The following COBL variants were observed in gnomAD, a reference collection of about 807,000 sequenced individuals.
COBL encodes cordon-bleu WH2 repeat protein, also known as protein cordon-bleu.
Under a neutral mutation model 98.8 loss-of-function variants are expected in COBL, and 51 were observed. The observed-to-expected ratio is 0.52, with a 90% CI of 0.41 to 0.65. The LOEUF is 0.65. Ranked by LOEUF, COBL falls within the 30% of genes least tolerant of loss-of-function variation. The pLI, the probability that COBL is intolerant of heterozygous loss-of-function variation, is 0.00. For synonymous variants in COBL, 634 were observed against 651.7 expected, an observed-to-expected ratio of 0.97 and a Z score of 0.41; for missense variants, 1,617 against 1,617.5, an observed-to-expected ratio of 1.00 and a Z score of 0.01.
chr7:51,202,443 TA>T (rs1240776446), intron 2 of COBL, among the ~76,000 whole-genome samples: 2 of 152,220 alleles, frequency 1.3e-5, no homozygotes, highest in African/African-American at 4.8e-5. Flanking sequence ...AATTTATAAT[TA>T]AATTTTATTA....
At chr7:51,257,619 C>T (rs1171901048) in intron 1 of COBL, among the ~76,000 whole-genome samples, 1 of 152,032 alleles carries the variant, frequency 6.6e-6, no homozygotes, top group Non-Finnish European at 1.5e-5. Context: ...GTTACTTATT[C>T]TGGGATTATG....
Position 51,016,346 on chromosome 7 carries a change from T to G in COBL, c.*1205A>C, listed in dbSNP as rs1272481965. On this transcript the variant is annotated 3_prime_UTR_variant, in exon 13 of 13. Coordinates refer to ENST00000265136, the MANE Select transcript of COBL (RefSeq NM_015198.5). ...AATGCAGAACAGCTTCCATTCTACC[T>G]GAGGCCTAGATCTGAGATCGCTGTG... The G allele has an allele frequency of 6.6e-6, 1 of 152,252 alleles. No individual in the cohort carries two copies. The highest frequency in any genetic ancestry group is 2.1e-4 in the South Asian group (1 of 4,832). The allele number at this position is 152,252 out of a possible 1,614,324, so 9.4% of individuals were successfully genotyped here.
chr7:51,137,888 T>C (rs1010665142), intron 5 of COBL, among the ~76,000 whole-genome samples: 1 of 152,172 alleles, frequency 6.6e-6, no homozygotes, highest in African/African-American at 2.4e-5. Flanking sequence ...TTTGAACAAC[T>C]AGTTCTCCAT....
chr7:51,170,314 T>C (rs547532090), intron 5 of COBL, among the ~76,000 whole-genome samples: 2 of 152,152 alleles, frequency 1.3e-5, no homozygotes, highest in African/African-American at 4.8e-5. Context: ...TAGCTCTACA[T>C]GTTCTATTCT....
chr7:51,130,912 G>A (rs1183542987), intron 6 of COBL, among the ~76,000 whole-genome samples: 1 of 152,180 alleles, frequency 6.6e-6, no homozygotes, highest in African/African-American at 2.4e-5. Context: ...ATCTTTTTAT[G>A]TATACACTGT....
At chr7:51,134,761 T>C (rs760037196) in intron 6 of COBL, among the ~76,000 whole-genome samples, 3 of 152,246 alleles carry the variant, frequency 2.0e-5, no homozygotes, top group Non-Finnish European at 2.9e-5. Context: ...AGAATCTACA[T>C]CCAAGCAAAT....
intron 12 of COBL, chr7:51,022,455 G>C (rs560380989): frequency 6.6e-6 from 1 of 152,336 alleles, no homozygotes; most frequent in East Asian, 1.9e-4. Flanking sequence ...GGCCTCGCAC[G>C]GCACCAACGC....
intron 8 of COBL, chr7:51,033,442 T>C (rs1788344350): frequency 6.6e-6 from 1 of 152,256 alleles, no homozygotes; most frequent in Non-Finnish European, 1.5e-5. Context: ...AATCAGTAAA[T>C]ATGATGATCA....
intron 5 of COBL, among the ~76,000 whole-genome samples, chr7:51,137,124 T>A (rs534830055): frequency 1.3e-5 from 2 of 152,334 alleles, no homozygotes; most frequent in South Asian, 4.2e-4. Flanking sequence ...TACCATGCTG[T>A]GTCCTGGTGC....
intron 6 of COBL, among the ~76,000 whole-genome samples, chr7:51,090,473 A>C (rs1794705935): frequency 6.6e-6 from 1 of 152,248 alleles, no homozygotes; most frequent in Admixed American, 6.5e-5. Flanking sequence ...AAAGAGAAGA[A>C]TGGAATGTAC....
At chr7:51,281,912 A>G (rs1799851735) in intron 1 of COBL, among the ~76,000 whole-genome samples, 2 of 152,178 alleles carry the variant, frequency 1.3e-5, no homozygotes, top group Admixed American at 6.5e-5. Context: ...TGTAGATGTA[A>G]CACATAACCA....
At chr7:51,235,500 T>A (rs547050412) in intron 1 of COBL, among the ~76,000 whole-genome samples, 1 of 151,846 alleles carries the variant, frequency 6.6e-6, no homozygotes, top group East Asian at 1.9e-4. Flanking sequence ...GTGGTGGGAG[T>A]TTTTGTTGCA....
At chr7:51,106,463 G>A (rs1309816442) in intron 6 of COBL, among the ~76,000 whole-genome samples, 5 of 152,134 alleles carry the variant, frequency 3.3e-5, no homozygotes, top group African/African-American at 1.2e-4. Context: ...GTGACATGTC[G>A]CCATTTCAAT....
At chr7:51,077,217 T>C (rs140640574) in intron 7 of COBL, among the ~76,000 whole-genome samples, 2 of 152,308 alleles carry the variant, frequency 1.3e-5, no homozygotes, top group Non-Finnish European at 2.9e-5. Context: ...CAAAATCTTA[T>C]TAATAAGAAA....
intron 4 of COBL, chr7:51,188,060 T>C: frequency 1.0e-6 from 1 of 966,780 alleles, no homozygotes; most frequent in Non-Finnish European, 1.3e-6. Flanking sequence ...GGGGCTGTCC[T>C]GCTGCAGCAG....
At chr7:51,141,778 C>T (rs1430815860) in intron 5 of COBL, among the ~76,000 whole-genome samples, 1 of 151,982 alleles carries the variant, frequency 6.6e-6, no homozygotes, top group Non-Finnish European at 1.5e-5. Flanking sequence ...ATGAGGCGAA[C>T]GGGCACTCCC....
intron 1 of COBL, among the ~76,000 whole-genome samples, chr7:51,261,879 C>A (rs376917218): frequency 6.6e-6 from 1 of 152,128 alleles, no homozygotes; most frequent in East Asian, 1.9e-4. Flanking sequence ...ACCCAGGAGG[C>A]GGAGGTTGCA....
At chr7:51,217,685 GCTA>G (rs1793210510) in intron 2 of COBL, among the ~76,000 whole-genome samples, 1 of 152,074 alleles carries the variant, frequency 6.6e-6, no homozygotes, top group East Asian at 1.9e-4. Context: ...TAGGAATTGG[GCTA>G]AAATATAAGA....
chr7:51,031,030 C>A, intron 8 of COBL, 121 bp from the exon 9 acceptor site: 1 of 701,016 alleles, frequency 1.4e-6, no homozygotes, highest in Non-Finnish European at 2.5e-6. Flanking sequence ...CACATACTCA[C>A]TGTACTGCTG....
Sources: allele counts gnomAD v4.1 joint callset (sites outside exome capture counted in the v4.1 genomes callset), GRCh38; gene constraint gnomAD v4.1.1; transcripts MANE v1.5; gene names NCBI Gene and HGNC (gene_info 2026-07-23, HGNC 2026-07-21).